Variants in ZFHX3 observed in about 807,000 individuals in gnomAD.
ZFHX3 encodes zinc finger homeobox protein 3.
ZFHX3 carries 42 observed loss-of-function variants against 279.1 expected under a neutral mutation model. That is an observed-to-expected ratio of 0.15 (90% CI 0.12 to 0.19). The LOEUF is 0.19. Among genes scored for constraint, ZFHX3 ranks in the 10% least tolerant of loss-of-function variants. The probability of loss-of-function intolerance (pLI) is 1.00; values close to 1 mark genes in which losing one functional copy is unlikely to be tolerated. For synonymous variants in ZFHX3, 2,293 were observed against 1,957.8 expected, an observed-to-expected ratio of 1.17 and a Z score of -4.52; for missense variants, 4,981 against 4,754.0, an observed-to-expected ratio of 1.05 and a Z score of -1.40.
intron 1 of ZFHX3, among the ~76,000 whole-genome samples, chr16:73,035,151 G>C (rs930112279): frequency 6.8e-6 from 1 of 146,034 alleles, no homozygotes; most frequent in African/African-American, 2.5e-5. Context: ...CAAAGATTTG[G>C]TACAAAAAAA....
intron 1 of ZFHX3, among the ~76,000 whole-genome samples, chr16:72,967,370 A>G (rs918935885): frequency 2.0e-5 from 3 of 152,162 alleles, no homozygotes; most frequent in Non-Finnish European, 4.4e-5. Context: ...TGGCCACATC[A>G]GGGACAACGT....
intron 1 of ZFHX3, among the ~76,000 whole-genome samples, chr16:73,682,800 G>C (rs11860352): frequency 0.049 from 6,954 of 141,898 alleles, 358 homozygotes; most frequent in African/African-American, 0.12. Flanking sequence ...AAGAAAGAAA[G>C]AAAGAAAGAA....
chr16:73,716,447 C>CTATTTTTAATTTAAAA (rs1345584103), intron 1 of ZFHX3, among the ~76,000 whole-genome samples: 3 of 152,158 alleles, frequency 2.0e-5, no homozygotes, highest in African/African-American at 7.2e-5. Context: ...ATTAAAAAGA[C>CTATTTTTAATTTAAAA]GGGCTATTTT....
Position 73,121,630 on chromosome 16 carries a change from T to G in ZFHX3, c.-897+9338A>C, listed in dbSNP as rs1017483682. On this transcript the variant is annotated intron_variant, in intron 7 of 17. Coordinates refer to the ZFHX3 transcript ENST00000641206. ...TAATTGCAGCTTTCTTTTTTTTTTT[T>G]TTTGAGATGGAGTCTTGCTCTGTTG... Among the ~76,000 whole-genome samples, 8 of 151,740 alleles carry G rather than the reference T, an allele frequency of 5.3e-5. No individual in the cohort carries two copies. In the South Asian group the frequency reaches 1.2e-3, roughly 24 times the overall value.
intron 8 of ZFHX3, among the ~76,000 whole-genome samples, chr16:73,068,559 G>A (rs1352222223): frequency 1.3e-5 from 2 of 152,194 alleles, no homozygotes; most frequent in Non-Finnish European, 2.9e-5. Context: ...TGTGCCCCTT[G>A]GTTTTCCAGC....
chr16:73,054,014 A>T (rs1042546073), intron 1 of ZFHX3, among the ~76,000 whole-genome samples: 4 of 89,546 alleles, frequency 4.5e-5, no homozygotes, highest in African/African-American at 1.8e-4. Flanking sequence ...GTTACCATGG[A>T]GGGAGGGGGG....
At chr16:73,153,705 A>G (rs1298964986) in intron 5 of ZFHX3, among the ~76,000 whole-genome samples, 1 of 152,016 alleles carries the variant, frequency 6.6e-6, no homozygotes, top group African/African-American at 2.4e-5. Flanking sequence ...GCTGGAGTGC[A>G]GTGGCGTGAT....
At chr16:73,522,953 C>G (rs2019630998) in intron 2 of ZFHX3, among the ~76,000 whole-genome samples, 2 of 152,148 alleles carry the variant, frequency 1.3e-5, no homozygotes, top group African/African-American at 2.4e-5. Flanking sequence ...TGAGAATTCA[C>G]TCACTATCAG....
intron 1 of ZFHX3, among the ~76,000 whole-genome samples, chr16:73,703,600 TA>T (rs2053274010): frequency 6.6e-6 from 1 of 151,758 alleles, no homozygotes; most frequent in Admixed American, 6.6e-5. Context: ...AACGAACCAG[TA>T]ATAAAGAAGT....
intron 3 of ZFHX3, among the ~76,000 whole-genome samples, chr16:73,413,617 G>A (rs2017513252): frequency 6.6e-6 from 1 of 152,146 alleles, no homozygotes; most frequent in Non-Finnish European, 1.5e-5. Context: ...TGGTTTTGGG[G>A]AAATCTCAAG....
At position 72,938,086 on chromosome 16, in the gene ZFHX3, T is replaced by A. The variant is rs372653181; in HGVS notation, c.3216+12383A>T. Among the ~76,000 whole-genome samples the A allele has an allele frequency of 2.6e-5, 4 of 152,312 alleles. No homozygotes were observed. In the East Asian group the frequency reaches 5.8e-4, roughly 22 times the overall value. On this transcript the variant is annotated intron_variant, in intron 3 of 9. Transcript: ENST00000268489. ...CCAGTTGGTGAAACCACCTAGCACATGACGCAGAGACCAGCGTGGTGCCAA... is the reference window on the plus strand; with the variant it reads ...CCAGTTGGTGAAACCACCTAGCACAAGACGCAGAGACCAGCGTGGTGCCAA...
At chr16:73,011,244 A>G (rs1963906509) in intron 1 of ZFHX3, among the ~76,000 whole-genome samples, 1 of 150,832 alleles carries the variant, frequency 6.6e-6, no homozygotes, top group East Asian at 2.0e-4. Flanking sequence ...TCAGCCTCCC[A>G]ATGTGCTGGG....
At chr16:73,551,543 T>C (rs535675182) in intron 2 of ZFHX3, among the ~76,000 whole-genome samples, 2 of 152,336 alleles carry the variant, frequency 1.3e-5, no homozygotes, top group Non-Finnish European at 2.9e-5. Context: ...ATTGACTACT[T>C]TGCATTATCC....
chr16:72,915,505 T>C (rs767584553), intron 3 of ZFHX3, among the ~76,000 whole-genome samples: 2 of 152,076 alleles, frequency 1.3e-5, no homozygotes, highest in Non-Finnish European at 2.9e-5. Flanking sequence ...TGGCTCACAC[T>C]TGTAACCCCG....
intron 7 of ZFHX3, chr16:73,127,541 G>T (rs747486306): frequency 1.0e-5 from 13 of 1,305,418 alleles, no homozygotes; most frequent in Middle Eastern, 2.1e-4. Flanking sequence ...AGAGATGGGA[G>T]GCTTTGGGCT....
chr16:73,800,824 C>T (rs1173287324), intron 1 of ZFHX3, among the ~76,000 whole-genome samples: 1 of 152,156 alleles, frequency 6.6e-6, no homozygotes, highest in East Asian at 1.9e-4. Context: ...AAAAGAAAAA[C>T]AGCACCCATC....
chr16:73,621,932 T>C (rs954728055), intron 2 of ZFHX3, among the ~76,000 whole-genome samples: 1 of 152,172 alleles, frequency 6.6e-6, no homozygotes, highest in Non-Finnish European at 1.5e-5. Context: ...TTCAGTAAAT[T>C]CTAATGGAGG....
At chr16:73,648,632 A>G (rs1018219308) in intron 2 of ZFHX3, among the ~76,000 whole-genome samples, 1 of 152,042 alleles carries the variant, frequency 6.6e-6, no homozygotes, top group Non-Finnish European at 1.5e-5. Flanking sequence ...GGCTGGTCTC[A>G]AACCCCTGAC....
At chr16:72,888,124 A>G (rs1227629438) in intron 4 of ZFHX3, among the ~76,000 whole-genome samples, 1 of 152,212 alleles carries the variant, frequency 6.6e-6, no homozygotes, top group African/African-American at 2.4e-5. Context: ...GAAAGTTGAA[A>G]GCTGATCCCC....
Sources: gnomAD v4.1 joint callset for allele counts (sites outside exome capture counted in the v4.1 genomes callset) on GRCh38, gnomAD v4.1.1 for gene constraint, MANE v1.5 for transcripts, NCBI Gene and HGNC (gene_info 2026-07-23, HGNC 2026-07-21) for gene names.